MINAR1: variants seen among roughly 807,000 people sequenced by gnomAD.
MINAR1 encodes the protein major intrinsically disordered Notch2-binding receptor 1.
A neutral mutation model predicts 65.1 loss-of-function variants in MINAR1; 40 were observed. The observed-to-expected ratio is 0.61, with a 90% CI of 0.48 to 0.80. MINAR1 has a LOEUF of 0.80. MINAR1 is among the 30% of genes least tolerant of loss of function. The probability of loss-of-function intolerance (pLI) is 0.00; values close to 1 mark genes in which losing one functional copy is unlikely to be tolerated. For synonymous variants in MINAR1, 482 were observed against 449.1 expected (o/e 1.07, Z -0.93); for missense variants, 1,128 against 1,148.0 (o/e 0.98, Z 0.25).
chr15:79,437,855 G>T (rs1240515071), intron 1 of MINAR1, among the ~76,000 whole-genome samples: 5 of 30,030 alleles, frequency 1.7e-4, no homozygotes, highest in Non-Finnish European at 2.3e-4. Context: ...GGTGTGGGTG[G>T]GTAGTGTGTG....
intron 3 of MINAR1, among the ~76,000 whole-genome samples, chr15:79,467,557 G>C (rs1289336199): frequency 6.6e-6 from 1 of 152,240 alleles, no homozygotes; most frequent in East Asian, 1.9e-4. Context: ...GCTGCACCGA[G>C]TCTGAAACTA....
At position 79,456,514 on chromosome 15, in the gene MINAR1, A is replaced by G; in HGVS notation, c.367A>G (p.Arg123Gly). The change falls in exon 2 of 4, where the codon AGG becomes GGG. Residue 123 changes from arginine to glycine, a missense_variant. Arg to Gly is a moderately radical substitution (Grantham distance 125, BLOSUM62 -2). Coordinates refer to ENST00000305428, the MANE Select transcript of MINAR1 (RefSeq NM_015206.3). Reference protein sequence around the residue: ...RKKEASFESCRSDTEICNAAE... With the variant: ...RKKEASFESCGSDTEICNAAE... ...GAAGGAGGCATCCTTTGAATCATGTAGGTCGGACACAGAGATCTGCAATGC... is the reference window on the plus strand; with the variant it reads ...GAAGGAGGCATCCTTTGAATCATGTGGGTCGGACACAGAGATCTGCAATGC... 1.2e-6 allele frequency: 2 copies of G among 1,614,050 alleles called. No individual in the cohort carries two copies. Among genetic ancestry groups the G allele is most frequent in the Non-Finnish European group, 1.7e-6 (2 of 1,180,032 alleles).
In MINAR1 at chr15:79,457,458, T is replaced by C; in HGVS notation, c.1311T>C (p.Ser437=). 1.9e-6 allele frequency: 3 copies of C among 1,614,130 alleles called. No homozygotes were observed. The highest frequency in any genetic ancestry group is 2.5e-6 in the Non-Finnish European group (3 of 1,180,020). Residue 437 remains serine, a synonymous_variant, in exon 2 of 4, where the codon TCT becomes TCC. Transcript: ENST00000305428. The part of the protein sequence containing the change: ...AYAAKQNGLK[S]KEISSPVDLE... ...CGGCAAAACAAAATGGGCTCAAATC[T>C]AAAGAGATCTCATCCCCTGTTGACC... is the stretch of plus-strand genomic sequence containing the variant.
chr15:79,428,079 C>G (rs1390349831), upstream of MINAR1, among the ~76,000 whole-genome samples: 1 of 152,162 alleles, frequency 6.6e-6, no homozygotes, highest in Non-Finnish European at 1.5e-5. Context: ...ACAGTTTTCC[C>G]GTGCCCAATT....
rs763187662 is a variant in MINAR1, at chr15:79,458,101, G to A, written c.1954G>A (p.Glu652Lys). 6.8e-6 allele frequency: 11 copies of A among 1,614,042 alleles called. No individual in the cohort carries two copies. Among genetic ancestry groups the A allele is most frequent in the East Asian group, 6.7e-5 (3 of 44,888 alleles). ...GATAGATCTGAACTCCTTGACAAGC[G>A]AGGGTCCGTCTGATGACAGTGCCTC... ...VQIDLNSLTS[E>K]GPSDDSASPR... Residue 652 changes from glutamate (E) to lysine (K), a missense_variant, in exon 2 of 4, where the codon GAG (glutamate) becomes AAG (lysine). Transcript: ENST00000305428.
intron 2 of MINAR1, among the ~76,000 whole-genome samples, chr15:79,462,849 G>A (rs1895697140): frequency 1.3e-5 from 2 of 152,088 alleles, no homozygotes; most frequent in Admixed American, 1.3e-4. Flanking sequence ...CCTTTTTCTG[G>A]CACAGAAATG....
At chr15:79,467,898 CGTCTCAGCCCCATTTTGCTTGCTT>C (rs1388070890) in intron 3 of MINAR1, among the ~76,000 whole-genome samples, 1 of 152,116 alleles carries the variant, frequency 6.6e-6, no homozygotes, top group Non-Finnish European at 1.5e-5. Flanking sequence ...GAGTCTTGCT[CGTCTCAGCCCCATTTTGCTTGCTT>C]ACAGATAAAA....
At chr15:79,449,201 A>T (rs974029131) in intron 1 of MINAR1, among the ~76,000 whole-genome samples, 1 of 152,176 alleles carries the variant, frequency 6.6e-6, no homozygotes. Flanking sequence ...GGCTAAGACA[A>T]TATGGATCCC....
chr15:79,411,737 C>T, the MINAR1 span: 26 of 473,296 alleles, frequency 5.5e-5, no homozygotes, highest in East Asian at 8.5e-4. Context: ...CTTGAGCTGG[C>T]AGGGAGAGTT....
chr15:79,423,781 A>AT, the MINAR1 span: 1 of 152,282 alleles, frequency 6.6e-6, no homozygotes, highest in East Asian at 1.9e-4. Context: ...CATTGCCTCA[A>AT]TTTTTCATCC....
At chr15:79,445,548 TTA>T (rs1467780999) in intron 1 of MINAR1, among the ~76,000 whole-genome samples, 21 of 52,998 alleles carry the variant, frequency 4.0e-4, no homozygotes, top group Non-Finnish European at 1.4e-4. Flanking sequence ...TCTGTGACAG[TTA>T]TTTTTTTTTT....
chr15:79,468,046 T>TG, intron 3 of MINAR1, 141 bp from the exon 4 acceptor site: 1 of 647,202 alleles, frequency 1.5e-6, no homozygotes, highest in Non-Finnish European at 2.7e-6. Context: ...GGCATGGGGC[T>TG]GGTGGGGCAG....
At chr15:79,435,677 T>C (rs1366019431) in intron 1 of MINAR1, among the ~76,000 whole-genome samples, 3 of 152,218 alleles carry the variant, frequency 2.0e-5, no homozygotes, top group Non-Finnish European at 2.9e-5. Context: ...AGTAAAGTTA[T>C]TCTGGCAGAC....
chr15:79,432,334 G>A (rs1383193742), upstream of MINAR1, among the ~76,000 whole-genome samples: 4 of 152,024 alleles, frequency 2.6e-5, no homozygotes, highest in Admixed American at 6.5e-5. Context: ...GCGTGTGAGC[G>A]CAGACCTGGA....
chr15:79,432,007 C>A (rs1167840005), upstream of MINAR1, among the ~76,000 whole-genome samples: 1 of 152,146 alleles, frequency 6.6e-6, no homozygotes, highest in Non-Finnish European at 1.5e-5. Flanking sequence ...TGCCCGTGCG[C>A]CCCGCCAGCT....
At chr15:79,444,273 G>C (rs189828200) in intron 1 of MINAR1, among the ~76,000 whole-genome samples, 1 of 152,108 alleles carries the variant, frequency 6.6e-6, no homozygotes, top group Non-Finnish European at 1.5e-5. Context: ...ACATAGTAAA[G>C]TTCTCCATAA....
At chr15:79,459,117 T>C (rs1367462064) in intron 2 of MINAR1, among the ~76,000 whole-genome samples, 1 of 151,912 alleles carries the variant, frequency 6.6e-6, no homozygotes, top group East Asian at 1.9e-4. Flanking sequence ...GAGGCAGAGG[T>C]TGCAGTGAGC....
In MINAR1 at chr15:79,468,197, C is replaced by G; in HGVS notation, c.2564C>G (p.Ser855Cys). 1 of 1,613,518 alleles carries G rather than the reference C, an allele frequency of 6.2e-7. No homozygotes were observed. Among genetic ancestry groups the G allele is most frequent in the Admixed American group, 1.7e-5 (1 of 59,986 alleles). Residue 855 changes from serine to cysteine, a missense_variant, in exon 4 of 4, where the codon TCT (serine) becomes TGT (cysteine). By Grantham distance (112) the Ser-to-Cys change is moderately radical (BLOSUM62 -1). Transcript: ENST00000305428. ...LTALDLQTQESLNPNNLEYWM... is the reference protein window; with the variant it reads ...LTALDLQTQECLNPNNLEYWM... ...TCTCTTCGCTTTTAGACGCAAGAAT[C>G]TTTAAACCCAAATAATTTAGAGTAC...
At chr15:79,442,852 A>C (rs1894910507) in intron 1 of MINAR1, among the ~76,000 whole-genome samples, 1 of 152,178 alleles carries the variant, frequency 6.6e-6, no homozygotes, top group Non-Finnish European at 1.5e-5. Flanking sequence ...TATACCAGTG[A>C]AATTAAACGG....
Sources: allele counts gnomAD v4.1 joint callset (sites outside exome capture counted in the v4.1 genomes callset), GRCh38; gene constraint gnomAD v4.1.1; transcripts MANE v1.5; gene names NCBI Gene and HGNC (gene_info 2026-07-23, HGNC 2026-07-21).